ELAVL2: variants seen among roughly 807,000 people sequenced by gnomAD.
ELAVL2 encodes ELAV like RNA binding protein 2.
In ELAVL2, 4 loss-of-function variants were observed where a neutral mutation model predicts 34.6. The observed-to-expected ratio is 0.12, with a 90% CI of 0.06 to 0.26. The LOEUF is 0.26. Among genes scored for constraint, ELAVL2 ranks in the 10% least tolerant of loss-of-function variants. The pLI is 1.00. For missense variants in ELAVL2, 432 were observed against 442.8 expected (o/e 0.98, Z 0.22); for synonymous variants, 193 against 154.8 (o/e 1.25, Z -1.83).
rs151013855 is a variant in ELAVL2 at position 23,748,909 on chromosome 9, A to G, written c.229+13097T>C. Among the ~76,000 whole-genome samples, 12 of 152,280 alleles carry G rather than the reference A, an allele frequency of 7.9e-5. No individual in the cohort carries two copies. In the East Asian group the frequency reaches 2.1e-3, roughly 27 times the overall value. On this transcript the variant is annotated intron_variant, in intron 2 of 6. Transcript: ENST00000397312. ...TCAAATGTTGTATGATTTCATTTAT[A>G]TGGGGTACCGAGAATAGGCAAATTC...
intron 2 of ELAVL2, among the ~76,000 whole-genome samples, chr9:23,734,264 G>A (rs141848554): frequency 7.2e-5 from 11 of 152,234 alleles, no homozygotes; most frequent in South Asian, 2.1e-4. Context: ...TAAGGGTATC[G>A]CAGATGATAC....
rs1220544943 is a variant in ELAVL2 at position 23,701,547 on chromosome 9, G to A, written c.545C>T (p.Ala182Val). 1 of 1,614,100 alleles carries A rather than the reference G, an allele frequency of 6.2e-7. No individual in the cohort carries two copies. The highest frequency in any genetic ancestry group is 1.7e-5 in the Admixed American group (1 of 60,020). ...TTTCTGGCCATTTAGGCCTTTGATA[G>A]CTTCTTCTGCCTCAATTCGCTTGTC... ...RFDKRIEAEE[A>V]IKGLNGQKPP... The change falls in exon 5 of 7, where the codon GCT (alanine) becomes GTT (valine). Residue 182 changes from alanine to valine, a missense_variant. By Grantham distance (64) the Ala-to-Val change is moderately conservative. This residue lies in a region of ELAVL2 where 295 missense variants were observed against 306.1 expected (regional missense o/e 0.96). Transcript: ENST00000397312.
At chr9:23,732,132 T>C (rs934909226) in intron 2 of ELAVL2, among the ~76,000 whole-genome samples, 4 of 152,204 alleles carry the variant, frequency 2.6e-5, no homozygotes, top group East Asian at 1.9e-4. Flanking sequence ...ATTTCCCAGA[T>C]GCCCAAGGAC....
At chr9:23,831,924 T>C in the ELAVL2 span, among the ~76,000 whole-genome samples, 1,633 of 152,290 alleles carry the variant, frequency 0.011, 29 homozygotes, top group African/African-American at 0.037. Flanking sequence ...CATCTGGCCA[T>C]GATTCCTAAT....
At position 23,776,767 on chromosome 9, in the gene ELAVL2, G is replaced by C. The variant is rs982666426; in HGVS notation, c.-15-14518C>G. ...AAAAAAAAAAAAAAAAAAAAAGATG[G>C]CAAAATCACTGCTGCTATGGAAACT... On this transcript the variant is annotated intron_variant, in intron 1 of 6. Coordinates refer to ENST00000397312, the MANE Select transcript of ELAVL2 (RefSeq NM_004432.5). Among the ~76,000 whole-genome samples, 28 of 149,072 alleles carry C rather than the reference G, an allele frequency of 1.9e-4. No homozygotes were observed. The East Asian group carries it at 5.0e-3, about 27-fold the overall frequency.
At chr9:23,760,541 C>G (rs1030213230) in intron 2 of ELAVL2, among the ~76,000 whole-genome samples, 1 of 151,972 alleles carries the variant, frequency 6.6e-6, no homozygotes, top group African/African-American at 2.4e-5. Context: ...AACATCACGA[C>G]AGAGACGTAA....
chr9:23,732,652 A>G (rs997004568), intron 2 of ELAVL2, among the ~76,000 whole-genome samples: 1 of 152,182 alleles, frequency 6.6e-6, no homozygotes, highest in African/African-American at 2.4e-5. Flanking sequence ...AGTAGAATTA[A>G]ATTGGCTGAA....
the ELAVL2 span, among the ~76,000 whole-genome samples, chr9:23,835,103 CT>C: frequency 1.3e-5 from 2 of 152,036 alleles, no homozygotes; most frequent in Non-Finnish European, 2.9e-5. Context: ...CTGTTACTCT[CT>C]CTGGCATTAA....
intron 1 of ELAVL2, among the ~76,000 whole-genome samples, chr9:23,769,457 C>A (rs1377125817): frequency 6.6e-6 from 1 of 152,132 alleles, no homozygotes; most frequent in Non-Finnish European, 1.5e-5. Flanking sequence ...CTTAATTAAG[C>A]AAGAGAATAG....
At chr9:23,820,948 G>C (rs973591655) in intron 1 of ELAVL2, among the ~76,000 whole-genome samples, 6 of 152,108 alleles carry the variant, frequency 3.9e-5, no homozygotes, top group Non-Finnish European at 7.4e-5. Flanking sequence ...ACGCGCACGA[G>C]GGGATCATCA....
intron 2 of ELAVL2, among the ~76,000 whole-genome samples, chr9:23,739,487 A>C (rs1400094354): frequency 6.6e-6 from 1 of 152,122 alleles, no homozygotes; most frequent in Non-Finnish European, 1.5e-5. Context: ...GGTATGCTGC[A>C]ACTTTCTCAT....
At chr9:23,742,435 G>A (rs766810816) in intron 2 of ELAVL2, among the ~76,000 whole-genome samples, 42 of 152,132 alleles carry the variant, frequency 2.8e-4, no homozygotes, top group Non-Finnish European at 3.5e-4. Flanking sequence ...ACATACCTAC[G>A]TCCTTCGCAT....
chr9:23,829,987 TC>T (rs2065447181), upstream of ELAVL2: 1 of 152,236 alleles, frequency 6.6e-6, no homozygotes, highest in Non-Finnish European at 1.5e-5. Flanking sequence ...TGACAAACTG[TC>T]AGGAGACTTA....
chr9:23,830,781 C>T (rs1439797030), upstream of ELAVL2, among the ~76,000 whole-genome samples: 1 of 152,060 alleles, frequency 6.6e-6, no homozygotes, highest in Non-Finnish European at 1.5e-5. Context: ...TGTAGACGCT[C>T]CCACAAATGT....
In ELAVL2 at chr9:23,702,057, C is replaced by T. The variant is rs140774194; in HGVS notation, c.488-453G>A. ...CAGAAAGAAGAATTTGCTAAAAATG[C>T]TACAAAGCTATGCTAAAAATACATA... On this transcript the variant is annotated intron_variant, in intron 4 of 6. Transcript: ENST00000397312. Among the ~76,000 whole-genome samples the T allele has an allele frequency of 3.2e-3, 482 of 152,240 alleles. 2 individuals are homozygous for T. The highest frequency in any genetic ancestry group is 0.011 in the African/African-American group (466 of 41,530).
At chr9:23,808,219 ACTGT>A (rs1253695335) in intron 1 of ELAVL2, among the ~76,000 whole-genome samples, 4 of 145,762 alleles carry the variant, frequency 2.7e-5, no homozygotes, top group African/African-American at 1.0e-4. Flanking sequence ...CACCTCCCAC[ACTGT>A]GTTATAAGCC....
At chr9:23,749,932 C>G (rs148379761) in intron 2 of ELAVL2, among the ~76,000 whole-genome samples, 1 of 151,510 alleles carries the variant, frequency 6.6e-6, no homozygotes, top group Non-Finnish European at 1.5e-5. Flanking sequence ...TACCTAAGAG[C>G]TGTTATTCAC....
chr9:23,696,343 T>C (rs929120438), intron 5 of ELAVL2, among the ~76,000 whole-genome samples: 10 of 152,196 alleles, frequency 6.6e-5, no homozygotes, highest in Non-Finnish European at 1.5e-4. Context: ...CCAGTAGCAG[T>C]TGGCAAACTG....
intron 3 of ELAVL2, among the ~76,000 whole-genome samples, chr9:23,722,312 A>T (rs1427541490): frequency 2.0e-5 from 3 of 152,258 alleles, no homozygotes; most frequent in Admixed American, 6.5e-5. Context: ...AGCTGCCTAA[A>T]AAATAATTTC....
Sources: gnomAD v4.1 joint callset for allele counts (sites outside exome capture counted in the v4.1 genomes callset) on GRCh38, gnomAD v4.1.1 for gene constraint, gnomAD v4.1.1 regional missense constraint, MANE v1.5 for transcripts, NCBI Gene and HGNC (gene_info 2026-07-23, HGNC 2026-07-21) for gene names.